The following KIF26B variants were observed in gnomAD, a reference collection of about 807,000 sequenced individuals.
KIF26B encodes the protein kinesin-like protein KIF26B.
A neutral mutation model predicts 151.2 loss-of-function variants in KIF26B; 63 were observed. The ratio of observed to expected loss-of-function variants is 0.42; its 90% CI spans 0.34 to 0.51. The LOEUF (loss-of-function observed/expected upper bound fraction) is 0.51, where lower values mean the gene tolerates loss of function less well. KIF26B is among the 20% of genes least tolerant of loss of function. The pLI is 0.07. For synonymous variants in KIF26B, 1,357 were observed against 1,262.1 expected, an observed-to-expected ratio of 1.08 and a Z score of -1.59; for missense variants, 2,813 against 2,913.6, an observed-to-expected ratio of 0.97 and a Z score of 0.79.
chr1:245,446,730 A>G (rs1224537693), intron 4 of KIF26B, among the ~76,000 whole-genome samples: 1 of 152,202 alleles, frequency 6.6e-6, no homozygotes, highest in Admixed American at 6.5e-5. Flanking sequence ...TCTTCATCTC[A>G]TGATAGAAAA....
chr1:245,543,398 T>G (rs1016976012), intron 5 of KIF26B, among the ~76,000 whole-genome samples: 20 of 152,324 alleles, frequency 1.3e-4, no homozygotes, highest in African/African-American at 4.8e-4. Context: ...TCACACTTTT[T>G]TAAAAAAATT....
At chr1:245,581,092 T>A (rs946732443) in intron 5 of KIF26B, among the ~76,000 whole-genome samples, 1 of 152,242 alleles carries the variant, frequency 6.6e-6, no homozygotes, top group African/African-American at 2.4e-5. Context: ...AGGAAGAGCG[T>A]TGGCCACTCA....
intron 3 of KIF26B, among the ~76,000 whole-genome samples, chr1:245,403,053 T>C (rs534516244): frequency 2.0e-5 from 3 of 152,310 alleles, no homozygotes; most frequent in African/African-American, 7.2e-5. Context: ...ACTGTGGCCT[T>C]GAACTCCTGG....
At position 245,687,619 on chromosome 1, in the gene KIF26B, C is replaced by A. The variant is rs200537329; in HGVS notation, c.4636C>A (p.Arg1546=). Residue 1546 remains arginine (R), a synonymous_variant, in exon 12 of 15, where the codon CGG becomes AGG. Transcript: ENST00000407071. This position sits in a 1 kb window ranked among gnomAD's most constrained non-coding sequence, Gnocchi z 4.9. The part of the protein sequence containing the change: ...SLPRAFQKAS[R]QEEPDSLSYY... Reference sequence around the variant, plus strand: ...TCCCAGGGCCTTTCAGAAGGCCAGCCGGCAGGAGGAGCCGGACAGCCTCTC... The same window carrying A: ...TCCCAGGGCCTTTCAGAAGGCCAGCAGGCAGGAGGAGCCGGACAGCCTCTC... 6.4e-7 allele frequency: 1 copy of A among 1,564,178 alleles called. No homozygotes were observed. Among genetic ancestry groups the A allele is most frequent in the Non-Finnish European group, 8.7e-7 (1 of 1,154,726 alleles).
intron 5 of KIF26B, among the ~76,000 whole-genome samples, chr1:245,562,227 C>T (rs1274948833): frequency 1.3e-5 from 2 of 152,098 alleles, no homozygotes; most frequent in Non-Finnish European, 2.9e-5. Context: ...ACAAATTAAA[C>T]AGCAGATTAG....
intron 4 of KIF26B, among the ~76,000 whole-genome samples, chr1:245,440,482 C>T (rs1231719667): frequency 6.6e-6 from 1 of 152,190 alleles, no homozygotes; most frequent in African/African-American, 2.4e-5. Flanking sequence ...TCCTAAGACA[C>T]AGTACCGACT....
At chr1:245,514,683 GA>G (rs1660910717) in intron 4 of KIF26B, among the ~76,000 whole-genome samples, 1 of 152,154 alleles carries the variant, frequency 6.6e-6, no homozygotes, top group African/African-American at 2.4e-5. Flanking sequence ...TTCTCTCCTA[GA>G]CATTTTTTCT....
chr1:245,576,560 T>A (rs555230750), intron 5 of KIF26B, among the ~76,000 whole-genome samples: 4 of 152,294 alleles, frequency 2.6e-5, no homozygotes, highest in African/African-American at 9.6e-5. Flanking sequence ...GAGAGCCTGC[T>A]CACCAGCTCT....
intron 4 of KIF26B, among the ~76,000 whole-genome samples, chr1:245,529,236 C>T (rs78732004): frequency 6.6e-6 from 1 of 152,128 alleles, no homozygotes; most frequent in Middle Eastern, 3.2e-3. Context: ...TGAGCAGCTG[C>T]TGTATAATGA....
intron 4 of KIF26B, 105 bp downstream of exon 4, chr1:245,419,850 C>A: frequency 9.4e-7 from 1 of 1,061,494 alleles, no homozygotes; most frequent in Non-Finnish European, 1.4e-6. Context: ...TGGGGCCGTT[C>A]TGTGATGTCA....
At chr1:245,699,249 G>A (rs916836097) in intron 14 of KIF26B, among the ~76,000 whole-genome samples, 1 of 152,150 alleles carries the variant, frequency 6.6e-6, no homozygotes, top group Non-Finnish European at 1.5e-5. Flanking sequence ...GGTGAATATT[G>A]CTCTTGCAAG....
Position 245,405,394 on chromosome 1 carries a change from T to G in KIF26B, c.1000-14185T>G, listed in dbSNP as rs1312004792. Among the ~76,000 whole-genome samples the G allele has an allele frequency of 2.0e-5, 3 of 152,198 alleles. No individual in the cohort carries two copies. In the East Asian group the frequency reaches 5.8e-4, roughly 29 times the overall value. On this transcript the variant is annotated intron_variant, in intron 3 of 14. Coordinates refer to ENST00000407071, the MANE Select transcript of KIF26B (RefSeq NM_018012.4). Reference sequence around the variant, plus strand: ...GCATTGGTTTTGATTCTTAAGCCATTTTTATTTGAGGAGAAAGATGCCTGA... The same window carrying G: ...GCATTGGTTTTGATTCTTAAGCCATGTTTATTTGAGGAGAAAGATGCCTGA...
chr1:245,701,460 C>G (rs1244167803), intron 14 of KIF26B, among the ~76,000 whole-genome samples: 1 of 152,134 alleles, frequency 6.6e-6, no homozygotes, highest in African/African-American at 2.4e-5. Context: ...GGCCTTCGGT[C>G]TCCTTCCAGC....
chr1:245,295,221 A>G (rs1287507130), intron 2 of KIF26B, among the ~76,000 whole-genome samples: 2 of 152,222 alleles, frequency 1.3e-5, no homozygotes, highest in African/African-American at 4.8e-5. Context: ...GGAAATGTTT[A>G]CACACACCAT....
intron 5 of KIF26B, among the ~76,000 whole-genome samples, chr1:245,590,154 A>C (rs1352579497): frequency 1.3e-5 from 2 of 149,394 alleles, no homozygotes; most frequent in Non-Finnish European, 3.0e-5. Context: ...CCAACGTGGC[A>C]GGGAGGCCTG....
In KIF26B at chr1:245,481,074, G is replaced by T. The variant is rs895897576; in HGVS notation, c.1167-59693G>T. Among the ~76,000 whole-genome samples the T allele has an allele frequency of 5.3e-5, 8 of 151,826 alleles. 1 individual carries two copies. The highest frequency in any genetic ancestry group is 3.3e-4 in the Admixed American group (5 of 15,256). The stretch of plus-strand genomic sequence containing the variant: ...TAATATGCCAGGCACTGTGCTGGCC[G>T]TGCGTTGTGCGTGCATTTTCCTATT... On this transcript the variant is annotated intron_variant, in intron 4 of 14. Coordinates refer to ENST00000407071, the MANE Select transcript of KIF26B (RefSeq NM_018012.4).
chr1:245,219,480 C>T (rs1475972154), intron 2 of KIF26B, among the ~76,000 whole-genome samples: 2 of 151,998 alleles, frequency 1.3e-5, no homozygotes, highest in African/African-American at 4.8e-5. Flanking sequence ...TGCCTGTAAT[C>T]CCAGCACTTT....
intron 4 of KIF26B, among the ~76,000 whole-genome samples, chr1:245,449,237 C>T (rs995857560): frequency 1.3e-5 from 2 of 152,112 alleles, no homozygotes; most frequent in African/African-American, 4.8e-5. Context: ...AGATCCTTGT[C>T]GTATGGAAGT....
In KIF26B at chr1:245,687,405, C is replaced by T. The variant is rs977593017; in HGVS notation, c.4422C>T (p.Thr1474=). The stretch of plus-strand genomic sequence containing the variant: ...CCACGGGCCCCTCGAATGCTGAGAC[C>T]AGAGCAGAGCAGGAGCAGGACGGAA... ...ETATGPSNAE[T]RAEQEQDGKP... is the part of the protein sequence containing the mutation. The change falls in exon 12 of 15, where the codon ACC becomes ACT. Residue 1474 remains threonine (T), a synonymous_variant. Coordinates refer to ENST00000407071, the MANE Select transcript of KIF26B (RefSeq NM_018012.4). This position sits in a 1 kb window ranked among gnomAD's most constrained non-coding sequence, Gnocchi z 4.9. 6.3e-7 allele frequency: 1 copy of T among 1,588,476 alleles called. No homozygotes were observed. The highest frequency in any genetic ancestry group is 8.6e-7 in the Non-Finnish European group (1 of 1,167,778).
Sources: allele counts gnomAD v4.1 joint callset (sites outside exome capture counted in the v4.1 genomes callset), GRCh38; gene constraint gnomAD v4.1.1; non-coding constraint Gnocchi (gnomAD v3.1); transcripts MANE v1.5; gene names NCBI Gene and HGNC (gene_info 2026-07-23, HGNC 2026-07-21).